The following GON4L variants were observed in gnomAD, a reference collection of about 807,000 sequenced individuals.
GON4L encodes the protein gon-4 like.
In GON4L, 87 loss-of-function variants were observed where a neutral mutation model predicts 211.8. The observed-to-expected ratio is 0.41, with a 90% CI of 0.35 to 0.49. The LOEUF is 0.49. GON4L is among the 20% of genes least tolerant of loss of function. The probability of loss-of-function intolerance (pLI) is 0.15; values close to 1 mark genes in which losing one functional copy is unlikely to be tolerated. For missense variants in GON4L, 2,155 were observed against 2,659.5 expected (o/e 0.81, Z 4.17); for synonymous variants, 875 against 962.6 (o/e 0.91, Z 1.68).
At chr1:155,821,245 G>A (rs1668710602) in intron 5 of GON4L, among the ~76,000 whole-genome samples, 1 of 151,774 alleles carries the variant, frequency 6.6e-6, no homozygotes, top group South Asian at 2.1e-4. Flanking sequence ...CAGCCTGGGT[G>A]ACAGAGTAAG....
chr1:155,824,030 AC>A (rs1251669973), intron 3 of GON4L, among the ~76,000 whole-genome samples: 1 of 152,166 alleles, frequency 6.6e-6, no homozygotes, highest in Admixed American at 6.6e-5. Context: ...TTTCCACCCA[AC>A]GAAAAAGAAG....
chr1:155,816,773 T>TAAAAA lies in GON4L; in HGVS notation c.1015-516_1015-512dup, dbSNP rs34370558. On this transcript the variant is annotated intron_variant, in intron 6 of 31. Transcript: ENST00000368331. Reference sequence around the variant, plus strand: ...TCTGCCTATGGGCTTTTTTTTTTCTTAAAAAAAAAAAAAAAAAAAAAAGCT... The same window carrying TAAAAA: ...TCTGCCTATGGGCTTTTTTTTTTCTTAAAAAAAAAAAAAAAAAAAAAAAAAAAGCT... Among the ~76,000 whole-genome samples, 43 of 78,006 alleles carry TAAAAA rather than the reference T, an allele frequency of 5.5e-4. 2 individuals carry two copies. The highest frequency in any genetic ancestry group is 0.012 in the Middle Eastern group (1 of 84). 51.2% of individuals were successfully genotyped at this position (78,006 alleles called of 152,430 possible).
At chr1:155,780,461 T>C (rs1664309785) in intron 14 of GON4L, among the ~76,000 whole-genome samples, 1 of 151,876 alleles carries the variant, frequency 6.6e-6, no homozygotes, top group African/African-American at 2.4e-5. Flanking sequence ...GCCGTGGTGA[T>C]GCGTGCCTGT....
intron 12 of GON4L, among the ~76,000 whole-genome samples, chr1:155,786,417 C>G (rs1033043543): frequency 6.6e-6 from 1 of 152,062 alleles, no homozygotes; most frequent in African/African-American, 2.4e-5. Flanking sequence ...GCAGTCCCAG[C>G]TACTCAAGAG....
In GON4L at chr1:155,762,171, G is replaced by T; in HGVS notation, c.4911+19C>A. On this transcript the variant is annotated intron_variant, in intron 23 of 31. Coordinates refer to ENST00000368331, the MANE Select transcript of GON4L (RefSeq NM_001282860.2). ...ACATTCATAGAGACTGGCAATAACA[G>T]GAAGCAGCATTTGCCTACCCTGGTC... 6.3e-7 allele frequency: 1 copy of T among 1,584,450 alleles called. No individual in the cohort carries two copies. The highest frequency in any genetic ancestry group is 2.3e-5 in the East Asian group (1 of 44,204).
At chr1:155,809,472 T>C (rs1667474911) in intron 10 of GON4L, among the ~76,000 whole-genome samples, 1 of 149,974 alleles carries the variant, frequency 6.7e-6, no homozygotes, top group Non-Finnish European at 1.5e-5. Flanking sequence ...CAAAGCATGG[T>C]GATTAAATGA....
intron 27 of GON4L, among the ~76,000 whole-genome samples, chr1:155,754,731 T>C (rs528294079): frequency 2.0e-5 from 3 of 151,704 alleles, no homozygotes; most frequent in Non-Finnish European, 4.4e-5. Context: ...GGTTTCACCA[T>C]GTTGGTCAGG....
intron 10 of GON4L, among the ~76,000 whole-genome samples, chr1:155,806,150 G>A (rs1313638892): frequency 6.6e-6 from 1 of 151,120 alleles, no homozygotes; most frequent in Non-Finnish European, 1.5e-5. Context: ...ACCATGCTCG[G>A]CTAATTTTTT....
chr1:155,746,135 T>C (rs2101566326), downstream of GON4L: 3 of 927,644 alleles, frequency 3.2e-6, no homozygotes, highest in Non-Finnish European at 4.7e-6. Flanking sequence ...CTCATGGATC[T>C]GAAGGGTGAG....
chr1:155,850,299 TAGA>T (rs1311065553), intron 2 of GON4L, among the ~76,000 whole-genome samples: 1 of 152,230 alleles, frequency 6.6e-6, no homozygotes, highest in Non-Finnish European at 1.5e-5. Flanking sequence ...AAAAATTGTG[TAGA>T]AGATTAGCAG....
In GON4L at chr1:155,765,068, T is replaced by A. The variant is rs769696232; in HGVS notation, c.4405A>T (p.Thr1469Ser). 3.1e-6 allele frequency: 5 copies of A among 1,614,098 alleles called. No homozygotes were observed. Among genetic ancestry groups the A allele is most frequent in the Non-Finnish European group, 4.2e-6 (5 of 1,180,038 alleles). Residue 1469 changes from threonine (T) to serine (S), a missense_variant, in exon 21 of 32, where the codon ACC (threonine) becomes TCC (serine). Thr to Ser is a moderately conservative substitution (Grantham distance 58). This residue lies in a region of GON4L where 615 missense variants were observed against 625.7 expected (regional missense o/e 0.98). Transcript: ENST00000368331. ...EEEEEDFDDL[T>S]QDEEDEMSSA... ...GACATTTCATCTTCCTCATCTTGGGTGAGGTCATCAAAGTCCTCTTCTTCC... is the reference window on the plus strand; with the variant it reads ...GACATTTCATCTTCCTCATCTTGGGAGAGGTCATCAAAGTCCTCTTCTTCC...
At chr1:155,799,356 C>T (rs1666409355) in intron 11 of GON4L, among the ~76,000 whole-genome samples, 1 of 152,152 alleles carries the variant, frequency 6.6e-6, no homozygotes, top group Admixed American at 6.6e-5. Context: ...AGTGCTTGAA[C>T]CTGAGAGGTG....
At chr1:155,831,454 A>AAAATAAATAAAT (rs143578512) in intron 2 of GON4L, 4 of 141,032 alleles carry the variant, frequency 2.8e-5, no homozygotes, top group African/African-American at 5.2e-5. Flanking sequence ...TGTCTCGTTA[A>AAAATAAATAAAT]AAATAAATAA....
chr1:155,831,595 G>C (rs1056419555), intron 2 of GON4L: 2 of 151,968 alleles, frequency 1.3e-5, no homozygotes, highest in African/African-American at 2.4e-5. Context: ...AGGAATTGTA[G>C]GTTGCAGTGA....
chr1:155,791,927 C>T (rs893938015), intron 12 of GON4L, among the ~76,000 whole-genome samples: 2 of 122,566 alleles, frequency 1.6e-5, no homozygotes, highest in African/African-American at 3.5e-5. Context: ...CATAACATCA[C>T]ATAACATAAC....
chr1:155,820,539 T>C lies in GON4L; in HGVS notation c.1014+67A>G, dbSNP rs961662346. The C allele has an allele frequency of 3.9e-6, 4 of 1,030,544 alleles. No individual in the cohort carries two copies. In the Admixed American group the frequency reaches 5.1e-5, roughly 13 times the overall value. The allele number at this position is 1,030,544 out of a possible 1,614,324, so 63.8% of individuals were successfully genotyped here. A position where few individuals can be genotyped will look rare whatever the true frequency, so the allele number is the denominator to read the frequency against. On this transcript the variant is annotated intron_variant, in intron 6 of 31. Coordinates refer to ENST00000368331, the MANE Select transcript of GON4L (RefSeq NM_001282860.2). ...CCACAATCTTTCCTATATTTTTCCC[T>C]ATGGGTGAATTAGATCCTATTCACC...
intron 16 of GON4L, among the ~76,000 whole-genome samples, chr1:155,775,417 T>C (rs529109912): frequency 1.5e-3 from 231 of 152,152 alleles, no homozygotes; most frequent in Non-Finnish European, 1.9e-3. Flanking sequence ...ATGGTCTAGC[T>C]CCTGAACTAG....
chr1:155,803,372 G>A (rs1235774304), intron 11 of GON4L, among the ~76,000 whole-genome samples: 2 of 151,948 alleles, frequency 1.3e-5, no homozygotes, highest in Non-Finnish European at 2.9e-5. Context: ...AGCCTCCTGA[G>A]TAGCTGGGAC....
chr1:155,823,719 A>C (rs2102273317), intron 3 of GON4L, among the ~76,000 whole-genome samples: 1 of 152,068 alleles, frequency 6.6e-6, no homozygotes, highest in Non-Finnish European at 1.5e-5. Context: ...ACATGGTGAA[A>C]CCTCGTCTCT....
Sources: gnomAD v4.1 joint callset for allele counts (sites outside exome capture counted in the v4.1 genomes callset) on GRCh38, gnomAD v4.1.1 for gene constraint, gnomAD v4.1.1 regional missense constraint, MANE v1.5 for transcripts, NCBI Gene and HGNC (gene_info 2026-07-23, HGNC 2026-07-21) for gene names.